Variants in PIK3C2G observed in about 807,000 individuals in gnomAD.
PIK3C2G encodes phosphatidylinositol 3-kinase C2 domain-containing subunit gamma.
Under a neutral mutation model 181.1 loss-of-function variants are expected in PIK3C2G, and 168 were observed. That is an observed-to-expected ratio of 0.93 (90% CI 0.82 to 1.05). The LOEUF (loss-of-function observed/expected upper bound fraction) is 1.05, where lower values mean the gene tolerates loss of function less well. Ranked by LOEUF, PIK3C2G falls within the 50% of genes least tolerant of loss-of-function variation. The probability of loss-of-function intolerance (pLI) is 0.00; values close to 1 mark genes in which losing one functional copy is unlikely to be tolerated. For synonymous variants in PIK3C2G, 573 were observed against 592.2 expected (o/e 0.97, Z 0.47); for missense variants, 1,869 against 1,732.8 (o/e 1.08, Z -1.40).
intron 31 of PIK3C2G, among the ~76,000 whole-genome samples, chr12:18,612,606 T>A (rs1467529693): frequency 1.3e-5 from 2 of 152,148 alleles, no homozygotes; most frequent in Non-Finnish European, 2.9e-5. Context: ...TTCTTCTGCT[T>A]AAAACAACTT....
chr12:18,571,251 T>C (rs894396999), intron 29 of PIK3C2G, among the ~76,000 whole-genome samples: 4 of 150,902 alleles, frequency 2.7e-5, no homozygotes, highest in East Asian at 3.8e-4. Context: ...TGTCAGAGAA[T>C]ACACCTATAG....
chr12:18,603,461 C>T (rs752418536), intron 30 of PIK3C2G, among the ~76,000 whole-genome samples: 1 of 152,022 alleles, frequency 6.6e-6, no homozygotes, highest in Non-Finnish European at 1.5e-5. Flanking sequence ...GGGGAATAAC[C>T]AAGCAAAACT....
At chr12:18,476,938 T>C (rs560936890) in intron 18 of PIK3C2G, among the ~76,000 whole-genome samples, 3 of 152,056 alleles carry the variant, frequency 2.0e-5, no homozygotes, top group African/African-American at 4.8e-5. Context: ...ATACCACAGA[T>C]TGGGTGATTT....
intron 15 of PIK3C2G, among the ~76,000 whole-genome samples, chr12:18,395,184 C>T (rs1289116567): frequency 1.3e-5 from 2 of 149,290 alleles, no homozygotes; most frequent in Non-Finnish European, 3.0e-5. Flanking sequence ...CCCCAGGTAC[C>T]TTATAGAGAA....
chr12:18,292,369 T>C (rs1055745672), intron 4 of PIK3C2G, among the ~76,000 whole-genome samples: 3 of 151,500 alleles, frequency 2.0e-5, no homozygotes, highest in Non-Finnish European at 4.4e-5. Flanking sequence ...TCATTTCATA[T>C]AATTGCTTCT....
intron 11 of PIK3C2G, among the ~76,000 whole-genome samples, chr12:18,350,762 G>A (rs1940144933): frequency 6.6e-6 from 1 of 152,102 alleles, no homozygotes; most frequent in Admixed American, 6.5e-5. Context: ...TGAATCAAGA[G>A]CATCATTAAA....
At chr12:18,589,416 T>C (rs1329838178) in intron 29 of PIK3C2G, among the ~76,000 whole-genome samples, 3 of 151,752 alleles carry the variant, frequency 2.0e-5, no homozygotes, top group Non-Finnish European at 2.9e-5. Flanking sequence ...GATGAAAGAG[T>C]GTGCAGAGAA....
intron 31 of PIK3C2G, among the ~76,000 whole-genome samples, chr12:18,615,594 G>A (rs1268326890): frequency 1.3e-5 from 2 of 151,896 alleles, no homozygotes; most frequent in Non-Finnish European, 2.9e-5. Context: ...GTGCCCAGTA[G>A]TGAGATTGCT....
chr12:18,532,273 C>A (rs1943596137), intron 24 of PIK3C2G, among the ~76,000 whole-genome samples: 1 of 152,130 alleles, frequency 6.6e-6, no homozygotes, highest in Admixed American at 6.6e-5. Context: ...AATAGACACT[C>A]CAGATACTGG....
intron 26 of PIK3C2G, among the ~76,000 whole-genome samples, chr12:18,557,176 A>G (rs891023259): frequency 1.9e-4 from 29 of 152,108 alleles, no homozygotes; most frequent in African/African-American, 6.8e-4. Flanking sequence ...TAAAAATGAT[A>G]AGCATTCTTA....
chr12:18,369,092 G>A (rs982935963), intron 12 of PIK3C2G, among the ~76,000 whole-genome samples: 1 of 152,232 alleles, frequency 6.6e-6, no homozygotes, highest in African/African-American at 2.4e-5. Flanking sequence ...TAACATCAAA[G>A]TTCAACTGGG....
chr12:18,384,791 C>A (rs1027502073), intron 14 of PIK3C2G, among the ~76,000 whole-genome samples: 2 of 152,068 alleles, frequency 1.3e-5, no homozygotes, highest in African/African-American at 4.8e-5. Flanking sequence ...GGAAGAGGGG[C>A]ATGTAAATCA....
At chr12:18,563,812 T>G (rs368801900) in intron 28 of PIK3C2G, among the ~76,000 whole-genome samples, 1 of 152,082 alleles carries the variant, frequency 6.6e-6, no homozygotes, top group African/African-American at 2.4e-5. Context: ...TTTAATCCTC[T>G]TAGTTATTTT....
intron 18 of PIK3C2G, among the ~76,000 whole-genome samples, chr12:18,450,466 T>C (rs1011624294): frequency 1.3e-5 from 2 of 152,192 alleles, no homozygotes; most frequent in African/African-American, 4.8e-5. Context: ...AAGTTCCTTG[T>C]AGATTCTGGA....
At chr12:18,694,969 T>TA in the PIK3C2G span, 1 of 1,607,840 alleles carries the variant, frequency 6.2e-7, no homozygotes. Flanking sequence ...AAGTATGATT[T>TA]ACTCTCTCTT....
the PIK3C2G span, chr12:18,715,701 C>A: frequency 6.6e-6 from 1 of 152,162 alleles, no homozygotes; most frequent in Admixed American, 6.6e-5. Context: ...GTCTCTGTCA[C>A]CCACACTAAA....
At chr12:18,443,621 T>G (rs1946867101) in intron 18 of PIK3C2G, among the ~76,000 whole-genome samples, 2 of 152,144 alleles carry the variant, frequency 1.3e-5, no homozygotes, top group South Asian at 2.1e-4. Flanking sequence ...AAGTTAAAAT[T>G]TTGGTTAAAA....
intron 18 of PIK3C2G, among the ~76,000 whole-genome samples, chr12:18,460,623 CATATATATAT>C (rs144060852): frequency 1.5e-5 from 2 of 136,136 alleles, no homozygotes; most frequent in Non-Finnish European, 3.2e-5. Flanking sequence ...ACATCATATT[CATATATATAT>C]ATATATATAT....
rs201662893 is a variant in PIK3C2G, at chr12:18,573,570, G to GTAA, written c.4011+6513_4011+6514insTAA. ...GTGCCTTCCTTCCAGATCCTACCCT[G>GTAA]GTAATTTTTCATTATCTTGTTGGCT... On this transcript the variant is annotated intron_variant, in intron 29 of 32. Coordinates refer to ENST00000538779, the MANE Select transcript of PIK3C2G (RefSeq NM_001288772.2). Among the ~76,000 whole-genome samples the GTAA allele has an allele frequency of 4.1e-3, 621 of 152,160 alleles. 5 individuals carry two copies. The highest frequency in any genetic ancestry group is 0.014 in the African/African-American group (589 of 41,506).
Sources: allele counts gnomAD v4.1 joint callset (sites outside exome capture counted in the v4.1 genomes callset), GRCh38; gene constraint gnomAD v4.1.1; transcripts MANE v1.5; gene names NCBI Gene and HGNC (gene_info 2026-07-23, HGNC 2026-07-21).